The following BMPR1B variants were observed in gnomAD, a reference collection of about 807,000 sequenced individuals.
The protein encoded by BMPR1B is bone morphogenetic protein receptor type-1B.
Under a neutral mutation model 59.1 loss-of-function variants are expected in BMPR1B, and 12 were observed. The observed-to-expected ratio is 0.20, with a 90% CI of 0.13 to 0.33. The LOEUF is 0.33. BMPR1B is among the 10% of genes least tolerant of loss of function. BMPR1B has a pLI of 1.00. For synonymous variants in BMPR1B, 237 were observed against 207.3 expected (o/e 1.14, Z -1.23); for missense variants, 550 against 610.9 (o/e 0.90, Z 1.05).
intron 1 of BMPR1B, among the ~76,000 whole-genome samples, chr4:94,849,749 G>T (rs893400041): frequency 2.6e-5 from 4 of 151,434 alleles, no homozygotes; most frequent in African/African-American, 9.7e-5. Context: ...ATGCAGGTTG[G>T]TAATTAGATG....
intron 3 of BMPR1B, among the ~76,000 whole-genome samples, chr4:95,087,062 T>TGGCACAATTTCCACTCACTTCAGC (rs1183245927): frequency 7.4e-6 from 1 of 135,670 alleles, no homozygotes; most frequent in African/African-American, 2.8e-5. Flanking sequence ...TGGAGTGCAG[T>TGGCACAATTTCCACTCACTTCAGC]GGCACAATTT....
chr4:94,871,790 C>G (rs972152053), intron 1 of BMPR1B, among the ~76,000 whole-genome samples: 9 of 152,170 alleles, frequency 5.9e-5, no homozygotes, highest in African/African-American at 1.9e-4. Flanking sequence ...CCTATATATA[C>G]AAGCTATTTT....
chr4:94,769,887 A>G (rs1205187448), intron 1 of BMPR1B, among the ~76,000 whole-genome samples: 1 of 152,200 alleles, frequency 6.6e-6, no homozygotes, highest in African/African-American at 2.4e-5. Flanking sequence ...GCCATTAGTG[A>G]AACTGCTATA....
intron 2 of BMPR1B, among the ~76,000 whole-genome samples, chr4:94,965,906 GA>G (rs957017213): frequency 6.6e-6 from 1 of 152,120 alleles, no homozygotes; most frequent in Non-Finnish European, 1.5e-5. Flanking sequence ...AACATTTGTG[GA>G]ATTGGAAAAG....
chr4:94,837,151 G>A (rs1305436009), intron 1 of BMPR1B, among the ~76,000 whole-genome samples: 8 of 145,292 alleles, frequency 5.5e-5, no homozygotes, highest in Admixed American at 1.4e-4. Flanking sequence ...ATGCTGTTTT[G>A]GTTACTGTAG....
At chr4:95,036,092 T>C (rs564608801) in intron 3 of BMPR1B, among the ~76,000 whole-genome samples, 5 of 152,270 alleles carry the variant, frequency 3.3e-5, no homozygotes, top group African/African-American at 1.2e-4. Context: ...TTGGTCATTG[T>C]TGGTGTATAG....
At chr4:95,050,880 T>C (rs902840893) in intron 3 of BMPR1B, among the ~76,000 whole-genome samples, 1 of 152,226 alleles carries the variant, frequency 6.6e-6, no homozygotes, top group Admixed American at 6.5e-5. Context: ...AAAATTTCTT[T>C]ATCTCATTCA....
intron 2 of BMPR1B, among the ~76,000 whole-genome samples, chr4:94,949,822 G>A (rs1038459786): frequency 2.0e-5 from 3 of 152,020 alleles, no homozygotes; most frequent in Non-Finnish European, 2.9e-5. Context: ...GGGATTACTG[G>A]GTCAAATGGT....
Position 94,854,126 on chromosome 4 carries a change from C to G in BMPR1B, c.-182-21705C>G, listed in dbSNP as rs1397449435. Among the ~76,000 whole-genome samples the G allele has an allele frequency of 2.0e-5, 3 of 151,960 alleles. No homozygotes were observed. In the East Asian group the frequency reaches 5.8e-4, roughly 29 times the overall value. On this transcript the variant is annotated intron_variant, in intron 1 of 12. Coordinates refer to ENST00000515059, the MANE Select transcript of BMPR1B (RefSeq NM_001203.3). ...TATTTGAGGACTACTGTGAAGCTCT[C>G]TATTCCTTCTAGCAAGCCCCAAGAT...
At chr4:94,850,389 CAA>C (rs1725520443) in intron 1 of BMPR1B, among the ~76,000 whole-genome samples, 1 of 152,066 alleles carries the variant, frequency 6.6e-6, no homozygotes, top group South Asian at 2.1e-4. Context: ...ATGTGTTAAA[CAA>C]ACTCTAGTGG....
chr4:94,842,993 C>G (rs1041970991), intron 1 of BMPR1B, among the ~76,000 whole-genome samples: 8 of 151,996 alleles, frequency 5.3e-5, no homozygotes, highest in Non-Finnish European at 1.0e-4. Flanking sequence ...AAACAGGGAT[C>G]ATAAAAACTC....
At chr4:94,911,669 A>G (rs934192530) in intron 2 of BMPR1B, among the ~76,000 whole-genome samples, 6 of 152,162 alleles carry the variant, frequency 3.9e-5, no homozygotes, top group African/African-American at 1.4e-4. Flanking sequence ...AAGTGAATGT[A>G]AATTAAGCCG....
intron 1 of BMPR1B, among the ~76,000 whole-genome samples, chr4:94,799,506 G>T (rs1723321773): frequency 6.6e-6 from 1 of 151,860 alleles, no homozygotes; most frequent in Non-Finnish European, 1.5e-5. Flanking sequence ...GTTTCACCAT[G>T]TTGGCCAGGA....
At position 95,129,853 on chromosome 4, in the gene BMPR1B, A is replaced by T. The variant is rs1034497183; in HGVS notation, c.586-9A>T. ...GAATACACTAACAGTGTGTTTTGGG[A>T]TTTCACAGGTCCAAAGGACTATAGC... On this transcript the variant is annotated splice_polypyrimidine_tract_variant and intron_variant, in intron 8 of 12. Transcript: ENST00000515059. 8 of 1,613,478 alleles carry T rather than the reference A, an allele frequency of 5.0e-6. No homozygotes were observed. The highest frequency in any genetic ancestry group is 8.5e-7 in the Non-Finnish European group (1 of 1,179,580).
chr4:95,149,897 T>C lies in BMPR1B; in HGVS notation c.1252+974T>C, dbSNP rs367945342. 1.2e-4 allele frequency among the ~76,000 whole-genome samples: 18 copies of C among 152,368 alleles called. No individual in the cohort carries two copies. In the East Asian group the frequency reaches 1.5e-3, roughly 13 times the overall value. On this transcript the variant is annotated intron_variant, in intron 11 of 12. Coordinates refer to ENST00000515059, the MANE Select transcript of BMPR1B (RefSeq NM_001203.3). ...TAAAGATGAATTGAATTATTGTATC[T>C]GCTTCTGTGGTTGTATGGTTTCAAT...
Position 95,129,626 on chromosome 4 carries a change from G to A in BMPR1B, c.586-236G>A, listed in dbSNP as rs6532531. Among the ~76,000 whole-genome samples the A allele has an allele frequency of 0.017, 2,621 of 152,144 alleles. 75 individuals carry two copies. The highest frequency in any genetic ancestry group is 0.06 in the African/African-American group (2,488 of 41,476). ...GAGAAAATAATAATACTAAAATAAA[G>A]TATTTCATAATTTGGAAGCAGTGTT... On this transcript the variant is annotated intron_variant, in intron 8 of 12. Coordinates refer to ENST00000515059, the MANE Select transcript of BMPR1B (RefSeq NM_001203.3).
At chr4:94,842,902 A>G (rs972132902) in intron 1 of BMPR1B, among the ~76,000 whole-genome samples, 2 of 128,660 alleles carry the variant, frequency 1.6e-5, no homozygotes, top group Non-Finnish European at 3.2e-5. Flanking sequence ...ATACCTACAC[A>G]TACACACTGT....
intron 3 of BMPR1B, among the ~76,000 whole-genome samples, chr4:95,094,580 C>T (rs1730229699): frequency 6.6e-6 from 1 of 152,084 alleles, no homozygotes; most frequent in South Asian, 2.1e-4. Context: ...ATAGTTGATG[C>T]TTTATGTGGA....
At chr4:95,051,532 A>G in intron 3 of BMPR1B, 1 of 616,486 alleles carries the variant, frequency 1.6e-6, no homozygotes, top group Non-Finnish European at 2.9e-6. Context: ...CTGTGGTGAC[A>G]GAACCAGTTT....
Sources: gnomAD v4.1 joint callset for allele counts (sites outside exome capture counted in the v4.1 genomes callset) on GRCh38, gnomAD v4.1.1 for gene constraint, MANE v1.5 for transcripts, NCBI Gene and HGNC (gene_info 2026-07-23, HGNC 2026-07-21) for gene names.